The following MEIG1 variants were observed in gnomAD, a reference collection of about 807,000 sequenced individuals.
MEIG1 encodes the protein meiosis/spermiogenesis associated 1.
MEIG1 carries 12 observed loss-of-function variants against 11.3 expected under a neutral mutation model. The ratio of observed to expected loss-of-function variants is 1.07; its 90% confidence interval spans 0.68 to 1.73. The LOEUF (loss-of-function observed/expected upper bound fraction) is 1.73. MEIG1 is among the 40% of genes most tolerant of loss of function. The pLI, the probability that MEIG1 is intolerant of heterozygous loss-of-function variation, is 0.00. For missense variants in MEIG1, 119 were observed against 104.9 expected, an observed-to-expected ratio of 1.13 and a Z score of -0.59; for synonymous variants, 41 against 33.2, an observed-to-expected ratio of 1.24 and a Z score of -0.81.
chr10:14,965,571 A>T (rs1213445248), intron 1 of MEIG1, among the ~76,000 whole-genome samples: 1 of 152,140 alleles, frequency 6.6e-6, no homozygotes, highest in Non-Finnish European at 1.5e-5. Flanking sequence ...AATTGCAGCA[A>T]TTGGGATGTC....
At chr10:14,960,830 C>G (rs954451720) in intron 1 of MEIG1, among the ~76,000 whole-genome samples, 1 of 151,900 alleles carries the variant, frequency 6.6e-6, no homozygotes, top group Non-Finnish European at 1.5e-5. Context: ...AATTCGAGAC[C>G]AGCCTGACCA....
downstream of MEIG1, among the ~76,000 whole-genome samples, chr10:14,976,359 C>G (rs1307259946): frequency 6.6e-6 from 1 of 152,134 alleles, no homozygotes; most frequent in Non-Finnish European, 1.5e-5. Flanking sequence ...TCCCAGTATC[C>G]TAGCGGGACA....
In MEIG1 at chr10:14,982,884, TTAA is replaced by T. The variant is rs954679961; in HGVS notation, n.67-3908_67-3906del. On this transcript the variant is annotated intron_variant and non_coding_transcript_variant, in intron 1 of 2. Transcript: ENST00000467536. ...TATTAACGATTAATGATGCCTGGTATTAATAAGTGATATTGATCTTATTCATTA... is the reference window on the plus strand; with the variant it reads ...TATTAACGATTAATGATGCCTGGTATTAAGTGATATTGATCTTATTCATTA... Among the ~76,000 whole-genome samples, 4 of 152,254 alleles carry T rather than the reference TTAA, an allele frequency of 2.6e-5. No homozygotes were observed. In the East Asian group the frequency reaches 7.7e-4, roughly 29 times the overall value.
chr10:14,984,205 TG>T (rs954011148), intron 1 of MEIG1, among the ~76,000 whole-genome samples: 1 of 146,630 alleles, frequency 6.8e-6, no homozygotes, highest in Non-Finnish European at 1.5e-5. Flanking sequence ...CCCCGCATCG[TG>T]GGGGGAGCCC....
In MEIG1 at chr10:14,987,263, G is replaced by T. The variant is rs543813412; in HGVS notation, n.285+249G>T. ...GTTGGAGAGGAAGAAGTACATGGGG[G>T]TATGGAGGGGGGAGTCAGAGCTGAC... On this transcript the variant is annotated intron_variant and non_coding_transcript_variant, in intron 2 of 2. Transcript: ENST00000467536. 329 of 862,084 alleles carry T rather than the reference G, an allele frequency of 3.8e-4. 6 individuals carry two copies. In the South Asian group the frequency reaches 4.3e-3, roughly 11 times the overall value. The allele number at this position is 862,084 out of a possible 1,614,324, so 53.4% of individuals were successfully genotyped here.
exon 2 of MEIG1, chr10:14,986,836 C>G: frequency 7.9e-6 from 3 of 380,676 alleles, no homozygotes; most frequent in Middle Eastern, 8.7e-4. Flanking sequence ...GTCTCGAACT[C>G]CTGGACTCAA....
At chr10:14,962,633 G>A (rs1437176247) in intron 1 of MEIG1, among the ~76,000 whole-genome samples, 1 of 152,088 alleles carries the variant, frequency 6.6e-6, no homozygotes, top group Non-Finnish European at 1.5e-5. Flanking sequence ...TGAGCAAAAA[G>A]TCAAGCCTAA....
intron 1 of MEIG1, among the ~76,000 whole-genome samples, chr10:14,982,841 A>T (rs957804406): frequency 3.3e-5 from 5 of 152,186 alleles, no homozygotes; most frequent in Admixed American, 3.3e-4. Context: ...TATACTCACG[A>T]TAACAATAAA....
intron 1 of MEIG1, among the ~76,000 whole-genome samples, chr10:14,964,692 A>G (rs1187288832): frequency 2.5e-5 from 3 of 119,252 alleles, no homozygotes; most frequent in Non-Finnish European, 4.8e-5. Flanking sequence ...CCCAGGCTGG[A>G]GTGCAACCTC....
At chr10:14,984,130 G>A (rs1475338529) in intron 1 of MEIG1, among the ~76,000 whole-genome samples, 2 of 151,978 alleles carry the variant, frequency 1.3e-5, no homozygotes, top group Admixed American at 6.6e-5. Context: ...TGACAATACC[G>A]TCAACACGCT....
intron 1 of MEIG1, among the ~76,000 whole-genome samples, chr10:14,979,034 G>C (rs1448434101): frequency 1.3e-5 from 2 of 151,908 alleles, no homozygotes; most frequent in African/African-American, 2.4e-5. Flanking sequence ...GTAATATCCT[G>C]GTGGGATGTT....
At chr10:14,971,236 T>TAATAATAATAATAAC (rs1554806491) in intron 2 of MEIG1, among the ~76,000 whole-genome samples, 2,032 of 148,190 alleles carry the variant, frequency 0.014, 50 homozygotes, top group African/African-American at 0.047. Context: ...ATAATAATAA[T>TAATAATAATAATAAC]AACAACAATA....
downstream of MEIG1, among the ~76,000 whole-genome samples, chr10:14,976,318 T>A (rs531432875): frequency 6.6e-6 from 1 of 152,306 alleles, no homozygotes; most frequent in South Asian, 2.1e-4. Context: ...TTAATCCTGA[T>A]GTCACAGGAC....
chr10:14,983,531 G>A (rs1476319394), intron 1 of MEIG1, among the ~76,000 whole-genome samples: 1 of 151,880 alleles, frequency 6.6e-6, no homozygotes, highest in Non-Finnish European at 1.5e-5. Flanking sequence ...TCCCAATATC[G>A]CAGGGGGTGT....
chr10:14,977,037 A>G (rs1321486916), downstream of MEIG1, among the ~76,000 whole-genome samples: 1 of 151,888 alleles, frequency 6.6e-6, no homozygotes, highest in African/African-American at 2.4e-5. Flanking sequence ...CCTGTGTTCT[A>G]TTTCCTAATG....
chr10:14,961,046 A>G (rs995974156), intron 1 of MEIG1, among the ~76,000 whole-genome samples: 1 of 152,114 alleles, frequency 6.6e-6, no homozygotes, highest in African/African-American at 2.4e-5. Flanking sequence ...ATAATAAATA[A>G]ATAAATAAAA....
chr10:14,966,664 G>T (rs1436459692), intron 2 of MEIG1, 58 bp downstream of exon 2: 2 of 1,505,658 alleles, frequency 1.3e-6, no homozygotes, highest in African/African-American at 1.4e-5. Flanking sequence ...ATGCTGAAAA[G>T]TATTTTATAA....
At chr10:14,965,701 AGAGAGAGAGAGAGAGG>A (rs11268542) in intron 1 of MEIG1, among the ~76,000 whole-genome samples, 84,021 of 147,364 alleles carry the variant, frequency 0.57, 23,552 homozygotes, top group South Asian at 0.64. Flanking sequence ...AGAGAGAGAG[AGAGAGAGAGAGAGAGG>A]TGCAGCTTTG....
chr10:14,965,675 T>TGAGA (rs749211535), intron 1 of MEIG1, among the ~76,000 whole-genome samples: 1,295 of 101,050 alleles, frequency 0.013, 14 homozygotes, highest in African/African-American at 0.019. Context: ...ATTCCCTTTT[T>TGAGA]GAGAGAGAGA....
Sources: allele counts gnomAD v4.1 joint callset (sites outside exome capture counted in the v4.1 genomes callset), GRCh38; gene constraint gnomAD v4.1.1; transcripts MANE v1.5; gene names NCBI Gene and HGNC (gene_info 2026-07-23, HGNC 2026-07-21).